ESRRG: variants seen among roughly 807,000 people sequenced by gnomAD.
The protein encoded by ESRRG is estrogen related receptor gamma.
In ESRRG, 13 loss-of-function variants were observed where a neutral mutation model predicts 44.0. The observed-to-expected ratio is 0.30, with a 90% CI of 0.19 to 0.47. ESRRG has a LOEUF of 0.47. ESRRG is among the 20% of genes least tolerant of loss of function. The pLI, the probability that ESRRG is intolerant of heterozygous loss-of-function variation, is 1.00. For synonymous variants in ESRRG, 215 were observed against 214.6 expected, an observed-to-expected ratio of 1.00 and a Z score of -0.02; for missense variants, 395 against 580.6, an observed-to-expected ratio of 0.68 and a Z score of 3.29.
intron 2 of ESRRG, among the ~76,000 whole-genome samples, chr1:216,911,444 G>A (rs148627390): frequency 6.6e-6 from 1 of 152,318 alleles, no homozygotes; most frequent in African/African-American, 2.4e-5. Flanking sequence ...TGGGCAAGGA[G>A]GAGGGAAGAA....
intron 2 of ESRRG, among the ~76,000 whole-genome samples, chr1:216,885,830 TC>T (rs1280623671): frequency 6.6e-6 from 1 of 152,056 alleles, no homozygotes; most frequent in Non-Finnish European, 1.5e-5. Context: ...GTGGCCCTCC[TC>T]CCTCCCTCAG....
intron 2 of ESRRG, among the ~76,000 whole-genome samples, chr1:216,839,572 AAAT>A (rs1360574408): frequency 2.0e-5 from 3 of 152,228 alleles, no homozygotes; most frequent in African/African-American, 7.2e-5. Flanking sequence ...GGCATTTATT[AAAT>A]AATAAGACTT....
At chr1:216,995,984 G>A (rs1406048122) in intron 1 of ESRRG, among the ~76,000 whole-genome samples, 1 of 152,012 alleles carries the variant, frequency 6.6e-6, no homozygotes, top group Non-Finnish European at 1.5e-5. Context: ...TCAAAATGTG[G>A]GTTACAAAGG....
chr1:216,960,591 T>TTTGTTTGC (rs2068845863), intron 1 of ESRRG, among the ~76,000 whole-genome samples: 1 of 151,962 alleles, frequency 6.6e-6, no homozygotes, highest in East Asian at 1.9e-4. Flanking sequence ...TGTTTGTTTG[T>TTTGTTTGC]TTGTTTGTTT....
Position 216,656,175 on chromosome 1 carries a change from G to A in ESRRG, c.473-5086C>T, listed in dbSNP as rs11572699. On this transcript the variant is annotated intron_variant, in intron 2 of 6. Transcript: ENST00000408911. ...TGCAGAAGTTATTGTTCACAGCATA[G>A]GATTTTCATTTCAGACACGGAGTTT... Among the ~76,000 whole-genome samples the A allele has an allele frequency of 4.6e-3, 697 of 152,274 alleles. 7 individuals are homozygous for A. Among genetic ancestry groups the A allele is most frequent in the African/African-American group, 0.016 (664 of 41,552 alleles).
intron 1 of ESRRG, among the ~76,000 whole-genome samples, chr1:216,985,125 A>C (rs979065163): frequency 9.2e-5 from 14 of 152,194 alleles, no homozygotes; most frequent in Admixed American, 2.6e-4. Context: ...CCTAACCCAT[A>C]AAAGATCAGC....
chr1:216,743,892 G>A (rs973018756), intron 2 of ESRRG, among the ~76,000 whole-genome samples: 1 of 152,152 alleles, frequency 6.6e-6, no homozygotes, highest in African/African-American at 2.4e-5. Context: ...AACTTCCATA[G>A]TAGGTAACTT....
At chr1:217,010,986 T>G (rs971238817) in intron 1 of ESRRG, among the ~76,000 whole-genome samples, 1 of 152,130 alleles carries the variant, frequency 6.6e-6, no homozygotes. Flanking sequence ...ACCAATAGGC[T>G]AAAATATTCA....
At chr1:216,552,193 T>G (rs964048195) in intron 5 of ESRRG, among the ~76,000 whole-genome samples, 1 of 152,078 alleles carries the variant, frequency 6.6e-6, no homozygotes, top group Non-Finnish European at 1.5e-5. Flanking sequence ...ATTGTCCATA[T>G]AAATCATGTA....
intron 1 of ESRRG, among the ~76,000 whole-genome samples, chr1:217,045,150 T>C (rs2084630519): frequency 6.6e-6 from 1 of 152,206 alleles, no homozygotes; most frequent in South Asian, 2.1e-4. Context: ...TGTTAGGGCT[T>C]TATTTGCAAA....
intron 1 of ESRRG, 73 bp from the exon 2 acceptor site, chr1:216,677,564 A>C: frequency 1.6e-6 from 2 of 1,265,946 alleles, no homozygotes; most frequent in Non-Finnish European, 2.2e-6. Flanking sequence ...AAGAGGTAGA[A>C]ACAAAAGAGA....
At chr1:216,611,933 A>T (rs1475417872) in intron 3 of ESRRG, among the ~76,000 whole-genome samples, 4 of 152,198 alleles carry the variant, frequency 2.6e-5, no homozygotes, top group Non-Finnish European at 5.9e-5. Flanking sequence ...CATGAAAAGC[A>T]TGCTATGAGC....
chr1:216,519,311 C>T lies in ESRRG; in HGVS notation c.973G>A (p.Val325Ile), dbSNP rs368438663. 1.2e-6 allele frequency: 2 copies of T among 1,613,748 alleles called. No individual in the cohort carries two copies. Among genetic ancestry groups the T allele is most frequent in the African/African-American group, 2.7e-5 (2 of 74,880 alleles). Residue 325 changes from valine (V) to isoleucine (I), a missense_variant, in exon 6 of 7, where the codon GTC becomes ATC. Val to Ile is a conservative substitution (Grantham distance 29). Transcript: ENST00000408911. ...YRSLSFEDEL[V>I]YADDYIMDED... Reference sequence around the variant, plus strand: ...TCCATTATATAATCGTCTGCATAGACAAGTTCATCCTCAAACGAAAGAGAC... The same window carrying T: ...TCCATTATATAATCGTCTGCATAGATAAGTTCATCCTCAAACGAAAGAGAC...
At chr1:216,742,163 A>G (rs918667841) in intron 2 of ESRRG, among the ~76,000 whole-genome samples, 2 of 152,164 alleles carry the variant, frequency 1.3e-5, no homozygotes, top group African/African-American at 4.8e-5. Flanking sequence ...GAACACACCA[A>G]ATGCATTCTT....
intron 2 of ESRRG, among the ~76,000 whole-genome samples, chr1:216,932,329 GA>G (rs1046213717): frequency 4.0e-5 from 6 of 150,790 alleles, no homozygotes; most frequent in African/African-American, 1.5e-4. Flanking sequence ...GATTTCAATA[GA>G]AAAAAAAATT....
chr1:216,669,450 T>C (rs1306477506), intron 2 of ESRRG, among the ~76,000 whole-genome samples: 1 of 152,226 alleles, frequency 6.6e-6, no homozygotes, highest in Non-Finnish European at 1.5e-5. Flanking sequence ...AAATAAACAC[T>C]GAACCTAACA....
chr1:216,627,603 C>T (rs796144455), intron 3 of ESRRG, among the ~76,000 whole-genome samples: 1 of 152,140 alleles, frequency 6.6e-6, no homozygotes. Context: ...TCCCAAATAC[C>T]TGGACAGAAA....
At chr1:216,538,131 G>A (rs1355461904) in intron 5 of ESRRG, among the ~76,000 whole-genome samples, 2 of 151,802 alleles carry the variant, frequency 1.3e-5, no homozygotes, top group Non-Finnish European at 2.9e-5. Flanking sequence ...CTACTACTTG[G>A]CCCTATTTCT....
chr1:217,119,624 A>T (rs1022455184), intron 1 of ESRRG, among the ~76,000 whole-genome samples: 1 of 152,108 alleles, frequency 6.6e-6, no homozygotes, highest in African/African-American at 2.4e-5. Context: ...TGATCTCTGT[A>T]TTTTTCTTGT....
Sources: allele counts gnomAD v4.1 joint callset (sites outside exome capture counted in the v4.1 genomes callset), GRCh38; gene constraint gnomAD v4.1.1; transcripts MANE v1.5; gene names NCBI Gene and HGNC (gene_info 2026-07-23, HGNC 2026-07-21).